The following SPAG16 variants were observed in gnomAD, a reference collection of about 807,000 sequenced individuals.
SPAG16 encodes the protein sperm associated antigen 16.
A neutral mutation model predicts 80.4 loss-of-function variants in SPAG16; 86 were observed. The observed-to-expected ratio is 1.07, with a 90% confidence interval of 0.90 to 1.28. The LOEUF is 1.28. Ranked by LOEUF, SPAG16 falls within the 50% of genes most tolerant of loss-of-function variation. SPAG16 has a pLI of 0.00. For synonymous variants in SPAG16, 294 were observed against 265.9 expected (o/e 1.11, Z -1.03); for missense variants, 870 against 765.3 (o/e 1.14, Z -1.61).
chr2:214,154,399 C>G (rs190966998), intron 15 of SPAG16, among the ~76,000 whole-genome samples: 7 of 151,954 alleles, frequency 4.6e-5, no homozygotes, highest in Admixed American at 4.6e-4. Flanking sequence ...TTAAAATGAG[C>G]AAAGTTTCCC....
intron 10 of SPAG16, among the ~76,000 whole-genome samples, chr2:213,771,221 GT>G (rs973194131): frequency 1.4e-4 from 22 of 151,910 alleles, no homozygotes; most frequent in Non-Finnish European, 3.1e-4. Flanking sequence ...ATGATGCTGA[GT>G]TTTTTTTCGT....
At chr2:213,564,885 C>A (rs555912151) in intron 10 of SPAG16, among the ~76,000 whole-genome samples, 76 of 152,178 alleles carry the variant, frequency 5.0e-4, no homozygotes, top group African/African-American at 1.5e-3. Flanking sequence ...TGACAAGAGC[C>A]AAGATTAAAT....
chr2:213,350,557 C>A lies in SPAG16; in HGVS notation c.674C>A (p.Pro225Gln). Reference sequence around the variant, plus strand: ...AAGTTACATTATGCATCTTATGAACCGACTATAAGGGTGTTACATGAGAAA... The same window carrying A: ...AAGTTACATTATGCATCTTATGAACAGACTATAAGGGTGTTACATGAGAAA... The part of the protein sequence containing the change: ...GLKLHYASYE[P>Q]TIRVLHEKHH... The change falls in exon 7 of 16, where the codon CCG becomes CAG. Residue 225 changes from proline to glutamine, a missense_variant. By Grantham distance (76) the Pro-to-Gln change is moderately conservative (BLOSUM62 -1). Transcript: ENST00000331683. 1 of 1,575,412 alleles carries A rather than the reference C, an allele frequency of 6.3e-7. No individual in the cohort carries two copies.
At chr2:213,834,004 G>A (rs759495497) in intron 10 of SPAG16, among the ~76,000 whole-genome samples, 10 of 152,138 alleles carry the variant, frequency 6.6e-5, no homozygotes, top group Non-Finnish European at 8.8e-5. Flanking sequence ...AGAGGAAATC[G>A]AATCGTGGGG....
chr2:213,891,575 G>A (rs1180877808), intron 11 of SPAG16, among the ~76,000 whole-genome samples: 1 of 152,040 alleles, frequency 6.6e-6, no homozygotes, highest in African/African-American at 2.4e-5. Flanking sequence ...ATGATTAAAA[G>A]CAATACAATC....
At chr2:214,339,841 A>T (rs181434566) in intron 15 of SPAG16, among the ~76,000 whole-genome samples, 220 of 152,230 alleles carry the variant, frequency 1.4e-3, no homozygotes, top group Middle Eastern at 0.01. Flanking sequence ...GGTTTTGTAG[A>T]TGTCATTTAG....
intron 13 of SPAG16, among the ~76,000 whole-genome samples, chr2:214,092,765 A>G (rs1294579722): frequency 6.6e-6 from 1 of 151,958 alleles, no homozygotes; most frequent in Admixed American, 6.6e-5. Flanking sequence ...ATTTCTGTTT[A>G]CCAGTAGGGT....
chr2:213,619,615 A>G (rs1193056504), intron 10 of SPAG16, among the ~76,000 whole-genome samples: 1 of 152,204 alleles, frequency 6.6e-6, no homozygotes, highest in African/African-American at 2.4e-5. Context: ...GTGAGATATC[A>G]TCTCACTCCA....
At chr2:213,689,528 C>CTTTT (rs397873153) in intron 10 of SPAG16, among the ~76,000 whole-genome samples, 7 of 54,242 alleles carry the variant, frequency 1.3e-4, no homozygotes, top group African/African-American at 3.1e-4. Context: ...AGTGCTGGGG[C>CTTTT]TTTTTTTTTT....
chr2:214,156,640 T>A (rs774645779), intron 15 of SPAG16, among the ~76,000 whole-genome samples: 12 of 151,864 alleles, frequency 7.9e-5, no homozygotes, highest in Non-Finnish European at 1.2e-4. Flanking sequence ...TAGGCAGATA[T>A]GGTAGGACAA....
intron 10 of SPAG16, among the ~76,000 whole-genome samples, chr2:213,653,538 C>A (rs975129383): frequency 1.3e-5 from 2 of 152,142 alleles, no homozygotes; most frequent in African/African-American, 4.8e-5. Context: ...TTATACAGGT[C>A]AATGCCTTTG....
intron 10 of SPAG16, among the ~76,000 whole-genome samples, chr2:213,846,228 A>C (rs934471365): frequency 6.6e-6 from 1 of 152,184 alleles, no homozygotes; most frequent in Non-Finnish European, 1.5e-5. Context: ...TTGATAATCC[A>C]AAAATCTGAT....
intron 15 of SPAG16, among the ~76,000 whole-genome samples, chr2:214,212,868 G>A (rs1019527315): frequency 6.6e-6 from 1 of 152,232 alleles, no homozygotes; most frequent in African/African-American, 2.4e-5. Context: ...GGAGAACTGT[G>A]AAATGCCACA....
chr2:214,183,115 C>T (rs1207297132), intron 15 of SPAG16, among the ~76,000 whole-genome samples: 1 of 151,816 alleles, frequency 6.6e-6, no homozygotes, highest in Non-Finnish European at 1.5e-5. Flanking sequence ...CTTTGTATAC[C>T]TAAATGTACC....
chr2:213,715,164 T>C (rs1338063015), intron 10 of SPAG16, among the ~76,000 whole-genome samples: 1 of 152,090 alleles, frequency 6.6e-6, no homozygotes, highest in East Asian at 1.9e-4. Flanking sequence ...GACTGCTGCC[T>C]GAACAAAGTA....
chr2:213,671,784 C>G (rs2015217), intron 10 of SPAG16, among the ~76,000 whole-genome samples: 1 of 151,874 alleles, frequency 6.6e-6, no homozygotes, highest in Non-Finnish European at 1.5e-5. Context: ...GAGCAGGGCA[C>G]GTTCATTCAG....
intron 10 of SPAG16, among the ~76,000 whole-genome samples, chr2:213,524,727 G>C (rs2075820457): frequency 1.3e-5 from 2 of 152,200 alleles, no homozygotes; most frequent in South Asian, 4.1e-4. Context: ...CTCCCATTTT[G>C]AATGGGTGTA....
intron 15 of SPAG16, among the ~76,000 whole-genome samples, chr2:214,392,563 T>C (rs1285439722): frequency 6.6e-6 from 1 of 152,152 alleles, no homozygotes; most frequent in Non-Finnish European, 1.5e-5. Flanking sequence ...GAAATAATCT[T>C]AAATTCATCA....
At chr2:213,670,092 G>C (rs1276930177) in intron 10 of SPAG16, among the ~76,000 whole-genome samples, 7 of 151,952 alleles carry the variant, frequency 4.6e-5, no homozygotes, top group African/African-American at 1.7e-4. Context: ...CTGCCTCCGG[G>C]GTTCACGCCC....
Sources: gnomAD v4.1 joint callset for allele counts (sites outside exome capture counted in the v4.1 genomes callset) on GRCh38, gnomAD v4.1.1 for gene constraint, MANE v1.5 for transcripts, NCBI Gene and HGNC (gene_info 2026-07-23, HGNC 2026-07-21) for gene names.